Variants in DHRS2 observed in about 807,000 individuals in gnomAD.
DHRS2 encodes dehydrogenase/reductase SDR family member 2, mitochondrial.
Under a neutral mutation model 26.3 loss-of-function variants are expected in DHRS2, and 29 were observed. The ratio of observed to expected loss-of-function variants is 1.10; its 90% confidence interval spans 0.82 to 1.50. The LOEUF is 1.50. Among genes scored for constraint, DHRS2 ranks in the 40% most tolerant of loss-of-function variants. DHRS2 has a pLI of 0.00. For missense variants in DHRS2, 439 were observed against 367.1 expected (o/e 1.20, Z -1.60); for synonymous variants, 164 against 151.3 (o/e 1.08, Z -0.62).
Position 23,645,310 on chromosome 14 carries a change from T to G in DHRS2, c.*57T>G. The G allele has an allele frequency of 6.2e-7, 1 of 1,611,268 alleles. No individual in the cohort carries two copies. Among genetic ancestry groups the G allele is most frequent in the South Asian group, 1.1e-5 (1 of 91,042 alleles). On this transcript the variant is annotated 3_prime_UTR_variant, in exon 9 of 9. Coordinates refer to ENST00000250383, the MANE Select transcript of DHRS2 (RefSeq NM_005794.4). ...CCAGGCCCAGGAGCCTGAGGGGGTG[T>G]CTAGGTGATCATTTGGATCTGGAGG...
intron 7 of DHRS2, 135 bp downstream of exon 7, chr14:23,644,678 A>G: frequency 1.3e-6 from 2 of 1,495,340 alleles, no homozygotes; most frequent in Non-Finnish European, 1.8e-6. Context: ...CTCTGAACTC[A>G]GCCATGGTGC....
At chr14:23,640,661 C>T (rs993903937) in intron 4 of DHRS2, 3 of 159,286 alleles carry the variant, frequency 1.9e-5, no homozygotes, top group African/African-American at 7.2e-5. Context: ...AAAGTGTTTC[C>T]TGCCTTCTGG....
chr14:23,638,884 G>T lies in DHRS2; in HGVS notation c.20G>T (p.Arg7Leu). 1 of 1,614,002 alleles carries T rather than the reference G, an allele frequency of 6.2e-7. No homozygotes were observed. Among genetic ancestry groups the T allele is most frequent in the South Asian group, 1.1e-5 (1 of 91,060 alleles). ...ACCACTATGCTGTCAGCAGTTGCCC[G>T]GGGCTACCAGGGCTGGTTTCATCCC... MLSAVARGYQGWFHPCA... is the reference protein window; with the variant it reads MLSAVALGYQGWFHPCA... The change falls in exon 2 of 9, where the codon CGG becomes CTG. Residue 7 changes from arginine to leucine, a missense_variant. Physicochemically the swap from Arg to Leu is moderately radical, Grantham distance 102 (BLOSUM62 -2). Transcript: ENST00000250383.
chr14:23,639,026 G>T (rs901702684), intron 2 of DHRS2, 22 bp downstream of exon 2: 1 of 1,609,858 alleles, frequency 6.2e-7, no homozygotes, highest in Non-Finnish European at 8.5e-7. Flanking sequence ...ATTGCCCATG[G>T]GTCCTGGCCC....
chr14:23,644,144 A>G lies in DHRS2; in HGVS notation c.522A>G (p.Ala174=), dbSNP rs779178883. ...CTGTCATCCTGGTCTCTTCCATTGC[A>G]GCTTATAATCCAGTAGTGGTAAGTG... is the stretch of plus-strand genomic sequence containing the variant. The part of the protein sequence containing the change: ...RGAVILVSSI[A]AYNPVVALGV... Residue 174 remains alanine (A), a synonymous_variant, in exon 6 of 9, where the codon GCA becomes GCG. Transcript: ENST00000250383. 1 of 1,613,938 alleles carries G rather than the reference A, an allele frequency of 6.2e-7. No homozygotes were observed. The highest frequency in any genetic ancestry group is 8.5e-7 in the Non-Finnish European group (1 of 1,179,988).
chr14:23,637,171 CCAGA>C (rs1215982355), intron 1 of DHRS2, among the ~76,000 whole-genome samples: 1 of 152,168 alleles, frequency 6.6e-6, no homozygotes, highest in African/African-American at 2.4e-5. Context: ...CTAATGCCTG[CCAGA>C]CAAACTTTCT....
At chr14:23,642,957 C>G (rs893716977) in intron 4 of DHRS2, 195 bp from the exon 5 acceptor site, 11 of 585,870 alleles carry the variant, frequency 1.9e-5, no homozygotes, top group Non-Finnish European at 3.1e-5. Context: ...AGGCCTGTGA[C>G]TTAGCCTGCC....
At chr14:23,643,668 ACCCC>A (rs1364681812) in intron 5 of DHRS2, 6 of 276,224 alleles carry the variant, frequency 2.2e-5, no homozygotes, top group Non-Finnish European at 3.5e-5. Flanking sequence ...ATCTGACTGT[ACCCC>A]TCACAGACAC....
upstream of DHRS2, chr14:23,636,225 G>GGACCAATCAGCTCTCTGTAAAACA (rs1890273844): frequency 1.3e-5 from 2 of 152,062 alleles, no homozygotes; most frequent in African/African-American, 4.8e-5. Flanking sequence ...CTGTCAAAAC[G>GGACCAATCAGCTCTCTGTAAAACA]GACCAATCAG....
chr14:23,631,354 A>G (rs1414164047), intron 1 of DHRS2, among the ~76,000 whole-genome samples: 1 of 151,344 alleles, frequency 6.6e-6, no homozygotes, highest in Non-Finnish European at 1.5e-5. Context: ...CCAACCCTGT[A>G]TTCCCATCAT....
At chr14:23,640,496 C>T (rs1296829840) in intron 4 of DHRS2, 1 of 951,024 alleles carries the variant, frequency 1.1e-6, no homozygotes, top group Non-Finnish European at 1.3e-6. Flanking sequence ...TGTAAAATGC[C>T]TTGAAGCTCA....
At position 23,643,948 on chromosome 14, in the gene DHRS2, T is replaced by G. The variant is rs906713711; in HGVS notation, c.489-163T>G. On this transcript the variant is annotated intron_variant, in intron 5 of 8. Transcript: ENST00000250383. ...CCTAGCTCTGCCGTGTATTGGCTGG[T>G]ACTAAACCTTTCTGAGCCTCAGTTT... 499 of 699,574 alleles carry G rather than the reference T, an allele frequency of 7.1e-4. 5 individuals carry two copies. The highest frequency in any genetic ancestry group is 1.2e-3 in the East Asian group (45 of 38,096). The allele number at this position is 699,574 out of a possible 1,614,324, so 43.3% of individuals were successfully genotyped here. A position where few individuals can be genotyped will look rare whatever the true frequency, so the allele number is the denominator to read the frequency against.
rs1421904833 is a variant in DHRS2, at chr14:23,636,584, A to G, written c.-227A>G. On this transcript the variant is annotated 5_prime_UTR_variant, in exon 1 of 9. Coordinates refer to ENST00000250383, the MANE Select transcript of DHRS2 (RefSeq NM_005794.4). ...ACCATCTTTAAGAACCGTAATACTC[A>G]CCGCAAGGGTCTGCAACTTCATTCT... 1 of 152,046 alleles carries G rather than the reference A, an allele frequency of 6.6e-6. No homozygotes were observed. Among genetic ancestry groups the G allele is most frequent in the African/African-American group, 2.4e-5 (1 of 41,400 alleles). The allele number at this position is 152,046 out of a possible 1,614,324, so 9.4% of individuals were successfully genotyped here. A position where few individuals can be genotyped will look rare whatever the true frequency, so the allele number is the denominator to read the frequency against.
chr14:23,639,910 C>T lies in DHRS2; in HGVS notation c.420+15C>T. On this transcript the variant is annotated intron_variant, in intron 4 of 8. Coordinates refer to ENST00000250383, the MANE Select transcript of DHRS2 (RefSeq NM_005794.4). ...TCTGGGACAAGGTGAGAGGCCTCCC[C>T]TGGGGAGGCGGCTGAGGGCCCGATT... 2 of 1,564,582 alleles carry T rather than the reference C, an allele frequency of 1.3e-6. No homozygotes were observed. Among genetic ancestry groups the T allele is most frequent in the Non-Finnish European group, 1.7e-6 (2 of 1,157,226 alleles).
upstream of DHRS2, among the ~76,000 whole-genome samples, chr14:23,633,611 G>A (rs561206246): frequency 6.6e-6 from 1 of 152,214 alleles, no homozygotes; most frequent in East Asian, 1.9e-4. Context: ...TGTGTTTCAA[G>A]CCCTGGGCCC....
At chr14:23,634,325 C>G (rs1890206987), upstream of DHRS2, among the ~76,000 whole-genome samples, 1 of 152,052 alleles carries the variant, frequency 6.6e-6, no homozygotes, top group Non-Finnish European at 1.5e-5. Flanking sequence ...GCCTTGGCCT[C>G]CAAAGTGCTG....
At chr14:23,630,616 C>A (rs1890093704) in intron 1 of DHRS2, among the ~76,000 whole-genome samples, 1 of 152,270 alleles carries the variant, frequency 6.6e-6, no homozygotes, top group East Asian at 1.9e-4. Context: ...TTATTCTGAG[C>A]CAAATGTGAG....
Position 23,639,180 on chromosome 14 carries a change from A to G in DHRS2, c.142A>G (p.Ile48Val), listed in dbSNP as rs1009802405. ...VAVVTGSTSG[I>V]GFAIARRLAR... ...TTTGCCCTCCATCTCTGCATTCAGG[A>G]TCGGCTTTGCCATCGCCCGACGTCT... Residue 48 changes from isoleucine (I) to valine (V), a missense_variant and splice_region_variant, in exon 3 of 9, where the codon ATC becomes GTC. By Grantham distance (29) the Ile-to-Val change is conservative. Coordinates refer to ENST00000250383, the MANE Select transcript of DHRS2 (RefSeq NM_005794.4). 3.7e-6 allele frequency: 6 copies of G among 1,612,958 alleles called. No homozygotes were observed. Among genetic ancestry groups the G allele is most frequent in the Non-Finnish European group, 5.1e-6 (6 of 1,179,656 alleles).
At chr14:23,639,092 C>T in intron 2 of DHRS2, 87 bp from the exon 3 acceptor site, 3 of 1,592,696 alleles carry the variant, frequency 1.9e-6, no homozygotes, top group South Asian at 1.1e-5. Flanking sequence ...CAAGACCCAG[C>T]CTTATTTGCT....
Sources: gnomAD v4.1 joint callset for allele counts (sites outside exome capture counted in the v4.1 genomes callset) on GRCh38, gnomAD v4.1.1 for gene constraint, MANE v1.5 for transcripts, NCBI Gene and HGNC (gene_info 2026-07-23, HGNC 2026-07-21) for gene names.